FRMD4A: variants seen among roughly 807,000 people sequenced by gnomAD.
The protein encoded by FRMD4A is FERM domain containing 4A, also known as FERM domain-containing protein 4A.
A neutral mutation model predicts 129.1 loss-of-function variants in FRMD4A; 29 were observed. The ratio of observed to expected loss-of-function variants is 0.22; its 90% CI spans 0.17 to 0.31. FRMD4A has a LOEUF of 0.31. Ranked by LOEUF, FRMD4A falls within the 10% of genes least tolerant of loss-of-function variation. The pLI is 1.00. For synonymous variants in FRMD4A, 634 were observed against 571.6 expected (o/e 1.11, Z -1.56); for missense variants, 1,272 against 1,375.8 (o/e 0.92, Z 1.19).
rs551800473 is a variant in FRMD4A at position 13,676,575 on chromosome 10, G to A, written c.1118-1531C>T. ...CAGGCATGAGCCACCGCGCCCAGCC[G>A]ATTACAACTTTTCTTTGCAAGCCCA... On this transcript the variant is annotated intron_variant, in intron 15 of 24. Coordinates refer to ENST00000357447, the MANE Select transcript of FRMD4A (RefSeq NM_018027.5). 5.9e-5 allele frequency among the ~76,000 whole-genome samples: 9 copies of A among 152,006 alleles called. No individual in the cohort carries two copies. In the South Asian group the frequency reaches 1.9e-3, roughly 32 times the overall value.
At chr10:13,802,370 G>C (rs1005297995) in intron 4 of FRMD4A, among the ~76,000 whole-genome samples, 1 of 152,142 alleles carries the variant, frequency 6.6e-6, no homozygotes, top group Non-Finnish European at 1.5e-5. Flanking sequence ...ACACTGCACA[G>C]CTTCTAGATG....
intron 2 of FRMD4A, among the ~76,000 whole-genome samples, chr10:14,260,494 T>A (rs1844764061): frequency 1.3e-5 from 2 of 152,188 alleles, no homozygotes; most frequent in South Asian, 4.1e-4. Flanking sequence ...CAAAGGCATA[T>A]AAGTCATCCT....
chr10:14,231,346 G>GTTT (rs34532314), intron 2 of FRMD4A, among the ~76,000 whole-genome samples: 2 of 142,652 alleles, frequency 1.4e-5, no homozygotes, highest in Admixed American at 7.0e-5. Flanking sequence ...TCTCATTGTG[G>GTTT]TTTTTTTTTT....
intron 15 of FRMD4A, among the ~76,000 whole-genome samples, chr10:13,679,008 C>T (rs2134747797): frequency 6.6e-6 from 1 of 152,214 alleles, no homozygotes; most frequent in Non-Finnish European, 1.5e-5. Flanking sequence ...CACATTCCTC[C>T]TACCTCACTG....
chr10:14,180,706 C>G (rs1414678719), intron 2 of FRMD4A, among the ~76,000 whole-genome samples: 1 of 152,198 alleles, frequency 6.6e-6, no homozygotes, highest in Non-Finnish European at 1.5e-5. Context: ...AACTGTGGAG[C>G]AGAGCTGACT....
At chr10:14,253,970 C>A (rs1037262590) in intron 2 of FRMD4A, among the ~76,000 whole-genome samples, 3 of 152,144 alleles carry the variant, frequency 2.0e-5, no homozygotes, top group Admixed American at 1.3e-4. Flanking sequence ...CTTGCAGTTC[C>A]CCTCTGCAGA....
intron 2 of FRMD4A, among the ~76,000 whole-genome samples, chr10:14,235,374 T>G (rs1159153809): frequency 1.3e-5 from 2 of 151,664 alleles, no homozygotes; most frequent in Non-Finnish European, 2.9e-5. Flanking sequence ...GGTCTCGATC[T>G]CCTGACCTCG....
Position 13,828,789 on chromosome 10 carries a change from C to T in FRMD4A, c.112-17881G>A, listed in dbSNP as rs904086200. The stretch of plus-strand genomic sequence containing the variant: ...TCAGGTGATCCGCCCGCCTTGGCCT[C>T]GCAAAGTGCTGGGATTACAGGCGTG... On this transcript the variant is annotated intron_variant, in intron 3 of 24. Coordinates refer to ENST00000357447, the MANE Select transcript of FRMD4A (RefSeq NM_018027.5). Among the ~76,000 whole-genome samples the T allele has an allele frequency of 6.6e-5, 10 of 152,138 alleles. 1 individual carries two copies. The highest frequency in any genetic ancestry group is 1.2e-4 in the Non-Finnish European group (8 of 68,030).
chr10:14,263,378 A>G (rs141626387), intron 2 of FRMD4A, among the ~76,000 whole-genome samples: 1 of 152,324 alleles, frequency 6.6e-6, no homozygotes, highest in African/African-American at 2.4e-5. Flanking sequence ...TGCCGGCCAG[A>G]CATGCTGCTA....
chr10:13,748,886 C>G lies in FRMD4A; in HGVS notation c.465-1067G>C, dbSNP rs182332557. The stretch of plus-strand genomic sequence containing the variant: ...GCATTTGGGATGAGGGAGACTCAAC[C>G]TGTACCATTAGGCAGTTTTATGCAT... On this transcript the variant is annotated intron_variant, in intron 8 of 24. Transcript: ENST00000357447. 5.3e-5 allele frequency among the ~76,000 whole-genome samples: 8 copies of G among 152,302 alleles called. No individual in the cohort carries two copies. The East Asian group carries it at 1.5e-3, about 29-fold the overall frequency.
intron 3 of FRMD4A, among the ~76,000 whole-genome samples, chr10:13,847,734 C>A (rs1309193431): frequency 6.6e-6 from 1 of 152,216 alleles, no homozygotes; most frequent in Non-Finnish European, 1.5e-5. Context: ...AACGGAAGAA[C>A]CAGCCACTCC....
At chr10:13,735,054 G>C (rs1418025609) in intron 12 of FRMD4A, among the ~76,000 whole-genome samples, 1 of 152,018 alleles carries the variant, frequency 6.6e-6, no homozygotes, top group African/African-American at 2.4e-5. Context: ...TGTATTTTTA[G>C]TAGAGACGGA....
chr10:13,713,086 G>C (rs2088198831), intron 12 of FRMD4A, among the ~76,000 whole-genome samples: 1 of 152,200 alleles, frequency 6.6e-6, no homozygotes, highest in South Asian at 2.1e-4. Flanking sequence ...GCTTGACTAG[G>C]ACTTTGGAGA....
chr10:13,917,760 G>T (rs532733787), intron 2 of FRMD4A, among the ~76,000 whole-genome samples: 12 of 152,142 alleles, frequency 7.9e-5, no homozygotes, highest in Admixed American at 2.0e-4. Context: ...GGCACCGAAG[G>T]TCCCTCTCTT....
rs536566420 is a variant in FRMD4A at position 13,785,141 on chromosome 10, T to C, written c.300-2135A>G. ...ACCTCTTGTCTACACACTAAATAAATAAATAAAGCTTTCTATCATTTTTCA... is the reference window on the plus strand; with the variant it reads ...ACCTCTTGTCTACACACTAAATAAACAAATAAAGCTTTCTATCATTTTTCA... On this transcript the variant is annotated intron_variant, in intron 5 of 24. Coordinates refer to ENST00000357447, the MANE Select transcript of FRMD4A (RefSeq NM_018027.5). Among the ~76,000 whole-genome samples, 10 of 152,178 alleles carry C rather than the reference T, an allele frequency of 6.6e-5. No homozygotes were observed. In the South Asian group the frequency reaches 2.1e-3, roughly 32 times the overall value.
intron 2 of FRMD4A, among the ~76,000 whole-genome samples, chr10:14,018,877 G>A (rs994195149): frequency 6.6e-6 from 1 of 152,126 alleles, no homozygotes; most frequent in African/African-American, 2.4e-5. Context: ...TGAACATTTT[G>A]ACCTGGAACT....
chr10:13,973,908 G>C (rs1314016867), intron 2 of FRMD4A, among the ~76,000 whole-genome samples: 2 of 151,998 alleles, frequency 1.3e-5, no homozygotes, highest in Non-Finnish European at 2.9e-5. Flanking sequence ...ATATATTATA[G>C]TTAGTTTCAG....
chr10:14,115,186 A>G (rs1029059607), intron 2 of FRMD4A, among the ~76,000 whole-genome samples: 1 of 152,212 alleles, frequency 6.6e-6, no homozygotes, highest in Non-Finnish European at 1.5e-5. Flanking sequence ...TGTGTTTTAT[A>G]GTAACAGCAC....
Position 13,959,471 on chromosome 10 carries a change from TAAAAAA to T in FRMD4A, c.46-100565_46-100560del, listed in dbSNP as rs56192445. 3.5e-3 allele frequency among the ~76,000 whole-genome samples: 186 copies of T among 53,122 alleles called. 13 individuals are homozygous for T. In the South Asian group the frequency reaches 0.04, roughly 11 times the overall value. The allele number at this position is 53,122 out of a possible 152,430, so 34.9% of individuals were successfully genotyped here. On this transcript the variant is annotated intron_variant, in intron 2 of 24. Transcript: ENST00000357447. ...CGGGTGACAGAGCAAGACTGTTTCA[TAAAAAA>T]AAAAAAAAAAAAAAAAAAAAAAGCT...
Sources: gnomAD v4.1 joint callset for allele counts (sites outside exome capture counted in the v4.1 genomes callset) on GRCh38, gnomAD v4.1.1 for gene constraint, MANE v1.5 for transcripts, NCBI Gene and HGNC (gene_info 2026-07-23, HGNC 2026-07-21) for gene names.